Variants in CFAP69 observed in about 807,000 individuals in gnomAD.
CFAP69 encodes cilia- and flagella-associated protein 69.
A neutral mutation model predicts 123.0 loss-of-function variants in CFAP69; 92 were observed. The observed-to-expected ratio is 0.75, with a 90% CI of 0.63 to 0.89. The LOEUF (loss-of-function observed/expected upper bound fraction) is 0.89, where lower values mean the gene tolerates loss of function less well. CFAP69 is among the 40% of genes least tolerant of loss of function. CFAP69 has a pLI of 0.00. For missense variants in CFAP69, 1,067 were observed against 1,096.9 expected (o/e 0.97, Z 0.39); for synonymous variants, 380 against 364.3 (o/e 1.04, Z -0.49).
chr7:90,259,839 C>T (rs1346977213), intron 3 of CFAP69, among the ~76,000 whole-genome samples: 2 of 152,036 alleles, frequency 1.3e-5, no homozygotes, highest in Non-Finnish European at 2.9e-5. Flanking sequence ...ATAAAAGTAT[C>T]CCACAAATAT....
intron 8 of CFAP69, among the ~76,000 whole-genome samples, chr7:90,272,542 GATCA>G (rs1352450706): frequency 6.6e-6 from 1 of 152,128 alleles, no homozygotes; most frequent in Non-Finnish European, 1.5e-5. Flanking sequence ...TTCAGAAGAA[GATCA>G]GTCAGCACAT....
In CFAP69 at chr7:90,258,813, TGAA is replaced by T. The variant is rs368470096; in HGVS notation, c.246+654_246+656del. Among the ~76,000 whole-genome samples, 8 of 152,266 alleles carry T rather than the reference TGAA, an allele frequency of 5.3e-5. No homozygotes were observed. In the South Asian group the frequency reaches 1.7e-3, roughly 32 times the overall value. ...TTCTATCAGATAATGTAAATAAAATTGAAGAAACAATATAACACAAGTAACTGT... is the reference window on the plus strand; with the variant it reads ...TTCTATCAGATAATGTAAATAAAATTGAAACAATATAACACAAGTAACTGT... On this transcript the variant is annotated intron_variant, in intron 3 of 22. Transcript: ENST00000389297.
chr7:90,267,172 AGAG>A (rs1170374466), intron 5 of CFAP69, among the ~76,000 whole-genome samples: 1 of 152,202 alleles, frequency 6.6e-6, no homozygotes, highest in Admixed American at 6.5e-5. Context: ...AATAAAATTT[AGAG>A]TTAGAATAAT....
At chr7:90,312,005 T>C (rs554531650), downstream of CFAP69, among the ~76,000 whole-genome samples, 4 of 152,370 alleles carry the variant, frequency 2.6e-5, no homozygotes, top group East Asian at 7.7e-4. Context: ...CTTGAATTGA[T>C]GTGAAGTGTC....
intron 20 of CFAP69, among the ~76,000 whole-genome samples, chr7:90,307,374 A>G (rs961255425): frequency 1.3e-5 from 2 of 152,202 alleles, no homozygotes; most frequent in African/African-American, 4.8e-5. Flanking sequence ...AAATATGTAC[A>G]ACTATTATAT....
rs1245346608 is a variant in CFAP69 at position 90,261,289 on chromosome 7, G to A, written c.247-658G>A. ...GGGGTTTTACCATGTTGGTCAGGCT[G>A]GTCTCGAACTCCTGACCTCGTGATC... On this transcript the variant is annotated intron_variant, in intron 3 of 22. Coordinates refer to ENST00000389297, the MANE Select transcript of CFAP69 (RefSeq NM_001039706.3). Among the ~76,000 whole-genome samples, 6 of 152,070 alleles carry A rather than the reference G, an allele frequency of 3.9e-5. No homozygotes were observed. In the East Asian group the frequency reaches 1.2e-3, roughly 29 times the overall value.
intron 3 of CFAP69, among the ~76,000 whole-genome samples, chr7:90,261,273 C>T (rs1353139642): frequency 6.6e-6 from 1 of 152,100 alleles, no homozygotes; most frequent in Non-Finnish European, 1.5e-5. Context: ...CGGGGTTTTA[C>T]CATGTTGGTC....
At chr7:90,319,366 A>G in the CFAP69 span, 2 of 398,432 alleles carry the variant, frequency 5.0e-6, no homozygotes, top group Non-Finnish European at 8.8e-6. Flanking sequence ...ACCTCCTGTT[A>G]TTTTCTGTGG....
chr7:90,267,290 C>A (rs1426998700), intron 5 of CFAP69, among the ~76,000 whole-genome samples: 3 of 152,184 alleles, frequency 2.0e-5, no homozygotes, highest in African/African-American at 7.2e-5. Context: ...ACCCCACTTG[C>A]TGACCACCTC....
chr7:90,271,475 A>C, intron 6 of CFAP69, 51 bp from the exon 7 acceptor site: 1 of 1,523,448 alleles, frequency 6.6e-7, no homozygotes, highest in Non-Finnish European at 8.9e-7. Context: ...TTTTGTCTTA[A>C]TGATCATTCT....
At chr7:90,250,432 C>A (rs776402989) in intron 1 of CFAP69, among the ~76,000 whole-genome samples, 11 of 152,048 alleles carry the variant, frequency 7.2e-5, no homozygotes, top group Non-Finnish European at 1.5e-4. Context: ...TAATTGAGAT[C>A]AAAAATGCCA....
intron 8 of CFAP69, chr7:90,272,230 T>C (rs1800060994): frequency 3.7e-6 from 1 of 269,924 alleles, no homozygotes; most frequent in South Asian, 1.2e-4. Context: ...GAAGAACTAT[T>C]TCATTTATTT....
chr7:90,276,523 A>C (rs1788636034), intron 9 of CFAP69, among the ~76,000 whole-genome samples: 1 of 152,226 alleles, frequency 6.6e-6, no homozygotes, highest in African/African-American at 2.4e-5. Flanking sequence ...AAATCCAACT[A>C]GGATATCTCT....
At chr7:90,267,237 G>A (rs957552425) in intron 5 of CFAP69, among the ~76,000 whole-genome samples, 1 of 152,160 alleles carries the variant, frequency 6.6e-6, no homozygotes, top group African/African-American at 2.4e-5. Context: ...CCTGAAGCTA[G>A]GGTCAGGCTT....
rs531410589 is a variant in CFAP69, at chr7:90,299,897, C to G, written c.1888C>G (p.Leu630Val). The G allele has an allele frequency of 1.3e-5, 21 of 1,606,792 alleles. No individual in the cohort carries two copies. Among genetic ancestry groups the G allele is most frequent in the Non-Finnish European group, 1.8e-5 (21 of 1,176,894 alleles). Residue 630 changes from leucine to valine, a missense_variant, in exon 17 of 23, where the codon CTT (leucine) becomes GTT (valine). Physicochemically the swap from Leu to Val is conservative, Grantham distance 32. Transcript: ENST00000389297. ...LNQKKFCNLILGIMVEFCDNP... is the reference protein window; with the variant it reads ...LNQKKFCNLIVGIMVEFCDNP... ...CCAAAAAAAATTCTGTAATCTAATA[C>G]TTGGAATAATGGTTGAATTTTGTGA...
chr7:90,316,397 A>G, the CFAP69 span: 2 of 152,342 alleles, frequency 1.3e-5, no homozygotes, highest in South Asian at 4.1e-4. Flanking sequence ...AGGACAAAAG[A>G]GAAATACATA....
At chr7:90,249,205 T>C (rs1796682407) in intron 1 of CFAP69, among the ~76,000 whole-genome samples, 1 of 152,230 alleles carries the variant, frequency 6.6e-6, no homozygotes, top group South Asian at 2.1e-4. Flanking sequence ...TAGTGAGTTC[T>C]CACGAGATCT....
At chr7:90,254,265 T>C (rs1797377385) in intron 1 of CFAP69, among the ~76,000 whole-genome samples, 1 of 152,138 alleles carries the variant, frequency 6.6e-6, no homozygotes, top group African/African-American at 2.4e-5. Context: ...TGAAGTCAGG[T>C]AGTGTGGTGC....
Position 90,293,506 on chromosome 7 carries a change from A to T in CFAP69, c.1776-4243A>T, listed in dbSNP as rs1200135462. Among the ~76,000 whole-genome samples, 3 of 152,138 alleles carry T rather than the reference A, an allele frequency of 2.0e-5. No homozygotes were observed. The East Asian group carries it at 5.8e-4, about 29-fold the overall frequency. ...ACAGAATTTCTTTTACAATTTTTTC[A>T]CAAATCTGCCCCAACTTGCTTAAAC... On this transcript the variant is annotated intron_variant, in intron 15 of 22. Coordinates refer to ENST00000389297, the MANE Select transcript of CFAP69 (RefSeq NM_001039706.3).
Sources: gnomAD v4.1 joint callset for allele counts (sites outside exome capture counted in the v4.1 genomes callset) on GRCh38, gnomAD v4.1.1 for gene constraint, MANE v1.5 for transcripts, NCBI Gene and HGNC (gene_info 2026-07-23, HGNC 2026-07-21) for gene names.